EPHA3: variants seen among roughly 807,000 people sequenced by gnomAD.
EPHA3 encodes EPH receptor A3.
In EPHA3, 42 loss-of-function variants were observed where a neutral mutation model predicts 107.1. That is an observed-to-expected ratio of 0.39 (90% CI 0.31 to 0.51). The LOEUF is 0.51. Among genes scored for constraint, EPHA3 ranks in the 20% least tolerant of loss-of-function variants. The pLI is 0.78. For synonymous variants in EPHA3, 461 were observed against 424.8 expected (o/e 1.09, Z -1.05); for missense variants, 1,183 against 1,211.2 (o/e 0.98, Z 0.35).
chr3:89,324,803 C>T (rs1200631896), intron 3 of EPHA3, among the ~76,000 whole-genome samples: 1 of 152,100 alleles, frequency 6.6e-6, no homozygotes, highest in Admixed American at 6.6e-5. Context: ...GATCCCATCA[C>T]CAAGATAGTG....
intron 11 of EPHA3, among the ~76,000 whole-genome samples, chr3:89,427,963 T>C (rs1709491899): frequency 1.3e-5 from 2 of 152,010 alleles, no homozygotes; most frequent in Admixed American, 1.3e-4. Flanking sequence ...TACCATAATG[T>C]ATATAGAATT....
intron 1 of EPHA3, among the ~76,000 whole-genome samples, chr3:89,109,722 T>C (rs1707056123): frequency 6.6e-6 from 1 of 152,064 alleles, no homozygotes; most frequent in Non-Finnish European, 1.5e-5. Context: ...ATAATGTATA[T>C]AATTATACAG....
At chr3:89,447,888 C>G (rs1171550234) in intron 13 of EPHA3, among the ~76,000 whole-genome samples, 1 of 152,108 alleles carries the variant, frequency 6.6e-6, no homozygotes, top group Admixed American at 6.6e-5. Flanking sequence ...ACTATATTGC[C>G]CCCTTGAGCA....
chr3:89,291,299 T>C (rs1329623388), intron 3 of EPHA3, among the ~76,000 whole-genome samples: 7 of 152,162 alleles, frequency 4.6e-5, no homozygotes, highest in Admixed American at 6.6e-5. Flanking sequence ...GAAATAATTA[T>C]GGAGGCTAGA....
At chr3:89,128,282 C>T (rs79256594) in intron 2 of EPHA3, among the ~76,000 whole-genome samples, 5,056 of 152,218 alleles carry the variant, frequency 0.033, 444 homozygotes, top group Admixed American at 0.21. Context: ...TTTGTATCTG[C>T]TTCTCTTCCT....
intron 5 of EPHA3, among the ~76,000 whole-genome samples, chr3:89,352,541 A>C (rs1335601823): frequency 6.6e-6 from 1 of 151,190 alleles, no homozygotes; most frequent in African/African-American, 2.4e-5. Flanking sequence ...TATCTTTAAT[A>C]AATGTTAAAT....
chr3:89,156,719 G>A (rs1704815819), intron 2 of EPHA3, among the ~76,000 whole-genome samples: 1 of 151,846 alleles, frequency 6.6e-6, no homozygotes, highest in South Asian at 2.1e-4. Flanking sequence ...GTGTGCAAAA[G>A]CTAAAAGATG....
chr3:89,152,873 A>G (rs938740740), intron 2 of EPHA3, among the ~76,000 whole-genome samples: 7 of 152,084 alleles, frequency 4.6e-5, no homozygotes. Context: ...CAGAATTTTG[A>G]TAATTAGTTT....
chr3:89,160,270 C>G (rs941050517), intron 2 of EPHA3, among the ~76,000 whole-genome samples: 7 of 151,900 alleles, frequency 4.6e-5, no homozygotes, highest in African/African-American at 1.7e-4. Context: ...AATACATAAA[C>G]TGTATGCTAT....
At position 89,407,326 on chromosome 3, in the gene EPHA3, T is replaced by C. The variant is rs983187598; in HGVS notation, c.1652T>C (p.Val551Ala). ...QVVMIAISAAVAIILLTVVIY... is the reference protein window; with the variant it reads ...QVVMIAISAAAAIILLTVVIY... ...GTCATGATCGCCATTTCAGCGGCAG[T>C]AGCAATTATTCTCCTCACTGTTGTC... Residue 551 changes from valine (V) to alanine (A), a missense_variant, in exon 8 of 17, where the codon GTA (valine) becomes GCA (alanine). By Grantham distance (64) the Val-to-Ala change is moderately conservative (BLOSUM62 0). Transcript: ENST00000336596. 2 of 1,613,546 alleles carry C rather than the reference T, an allele frequency of 1.2e-6. No individual in the cohort carries two copies. The highest frequency in any genetic ancestry group is 2.7e-5 in the African/African-American group (2 of 74,902).
At chr3:89,283,815 A>AATG (rs1286461587) in intron 3 of EPHA3, among the ~76,000 whole-genome samples, 16 of 152,290 alleles carry the variant, frequency 1.1e-4, no homozygotes, top group African/African-American at 3.8e-4. Flanking sequence ...CCCTTGTAAA[A>AATG]ATGCTCTAAA....
chr3:89,422,791 A>G (rs756303137), intron 11 of EPHA3, among the ~76,000 whole-genome samples: 1 of 151,444 alleles, frequency 6.6e-6, no homozygotes, highest in African/African-American at 2.4e-5. Context: ...AATACAATGT[A>G]TCATTTTCAA....
intron 2 of EPHA3, among the ~76,000 whole-genome samples, chr3:89,194,645 C>T (rs564334920): frequency 6.6e-6 from 1 of 152,116 alleles, no homozygotes; most frequent in South Asian, 2.1e-4. Flanking sequence ...AAGTAAATGA[C>T]GTTTTGTGAA....
chr3:89,210,082 G>C lies in EPHA3; in HGVS notation c.376G>C (p.Glu126Gln), dbSNP rs982229155. 3 of 1,613,894 alleles carry C rather than the reference G, an allele frequency of 1.9e-6. No homozygotes were observed. The highest frequency in any genetic ancestry group is 1.7e-5 in the Admixed American group (1 of 59,978). Residue 126 changes from glutamate to glutamine, a missense_variant, in exon 3 of 17, where the codon GAG (glutamate) becomes CAG (glutamine). Physicochemically the swap from Glu to Gln is conservative, Grantham distance 29. Coordinates refer to ENST00000336596, the MANE Select transcript of EPHA3 (RefSeq NM_005233.6). ...GGAGACATTCAACCTGTACTACATGGAGTCTGATGATGATCATGGGGTGAA... is the reference window on the plus strand; with the variant it reads ...GGAGACATTCAACCTGTACTACATGCAGTCTGATGATGATCATGGGGTGAA... ...CKETFNLYYMESDDDHGVKFR... is the reference protein window; with the variant it reads ...CKETFNLYYMQSDDDHGVKFR...
At chr3:89,151,035 A>G (rs1704680120) in intron 2 of EPHA3, among the ~76,000 whole-genome samples, 1 of 152,212 alleles carries the variant, frequency 6.6e-6, no homozygotes, top group African/African-American at 2.4e-5. Context: ...GCTTAACAGT[A>G]GACCCTGTAG....
chr3:89,201,885 A>G (rs1477449062), intron 2 of EPHA3, among the ~76,000 whole-genome samples: 2 of 152,180 alleles, frequency 1.3e-5, no homozygotes, highest in Non-Finnish European at 2.9e-5. Flanking sequence ...GTGAACTTCA[A>G]GTACTTGTCC....
At chr3:89,419,167 A>T (rs757028231) in intron 10 of EPHA3, 38 bp from the exon 11 acceptor site, 1 of 1,524,846 alleles carries the variant, frequency 6.6e-7, no homozygotes, top group Non-Finnish European at 8.8e-7. Context: ...TTTATTATAG[A>T]ATTCCTTACA....
At chr3:89,311,980 G>A (rs1427597060) in intron 3 of EPHA3, among the ~76,000 whole-genome samples, 4 of 151,838 alleles carry the variant, frequency 2.6e-5, no homozygotes, top group African/African-American at 7.3e-5. Flanking sequence ...TGAGAAAAGA[G>A]GGGCACAGAA....
At chr3:89,219,692 T>TTTTTTTTG (rs1704310281) in intron 3 of EPHA3, among the ~76,000 whole-genome samples, 2 of 8,424 alleles carry the variant, frequency 2.4e-4, no homozygotes, top group Non-Finnish European at 4.3e-4. Flanking sequence ...GGCAATGTTT[T>TTTTTTTTG]TTTTTTTTTT....
Sources: allele counts gnomAD v4.1 joint callset (sites outside exome capture counted in the v4.1 genomes callset), GRCh38; gene constraint gnomAD v4.1.1; transcripts MANE v1.5; gene names NCBI Gene and HGNC (gene_info 2026-07-23, HGNC 2026-07-21).